The following MFSD6 variants were observed in gnomAD, a reference collection of about 807,000 sequenced individuals.
MFSD6 encodes the protein major facilitator superfamily domain containing 6.
MFSD6 carries 26 observed loss-of-function variants against 56.3 expected under a neutral mutation model. The observed-to-expected ratio is 0.46, with a 90% CI of 0.34 to 0.64. The LOEUF (loss-of-function observed/expected upper bound fraction) is 0.64, where lower values mean the gene tolerates loss of function less well. Among genes scored for constraint, MFSD6 ranks in the 30% least tolerant of loss-of-function variants. The probability of loss-of-function intolerance (pLI) is 0.01; values close to 1 mark genes in which losing one functional copy is unlikely to be tolerated. For synonymous variants in MFSD6, 331 were observed against 366.9 expected (o/e 0.90, Z 1.12); for missense variants, 750 against 986.2 (o/e 0.76, Z 3.21).
intron 3 of MFSD6, among the ~76,000 whole-genome samples, chr2:190,452,679 G>A (rs776760300): frequency 8.5e-5 from 13 of 152,112 alleles, no homozygotes; most frequent in Non-Finnish European, 1.6e-4. Context: ...AATGACTAAT[G>A]CCTGGTATCA....
At position 190,465,072 on chromosome 2, in the gene MFSD6, C is replaced by A; in HGVS notation, c.1533-4686C>A. 1 of 245,494 alleles carries A rather than the reference C, an allele frequency of 4.1e-6. No individual in the cohort carries two copies. Among genetic ancestry groups the A allele is most frequent in the Non-Finnish European group, 6.5e-6 (1 of 153,034 alleles). 15.2% of individuals were successfully genotyped at this position (245,494 alleles called of 1,614,324 possible). ...AAATACCAGTTTTATTATAAGATAACCACAAATCAGCTTAAACTGCTAATA... is the reference window on the plus strand; with the variant it reads ...AAATACCAGTTTTATTATAAGATAAACACAAATCAGCTTAAACTGCTAATA... On this transcript the variant is annotated intron_variant, in intron 3 of 7. Transcript: ENST00000392328. This position sits in a 1 kb window ranked among gnomAD's most constrained non-coding sequence, Gnocchi z 4.6.
Position 190,497,596 on chromosome 2 carries a change from G to A in MFSD6, c.2049G>A (p.Val683=). 6.2e-7 allele frequency: 1 copy of A among 1,614,150 alleles called. No individual in the cohort carries two copies. The highest frequency in any genetic ancestry group is 8.5e-7 in the Non-Finnish European group (1 of 1,180,022). The change falls in exon 7 of 8, where the codon GTG becomes GTA. Residue 683 remains valine, a synonymous_variant. Coordinates refer to ENST00000392328, the MANE Select transcript of MFSD6 (RefSeq NM_017694.4). The surrounding 1 kb of genome is among the most constrained non-coding windows in gnomAD (Gnocchi z 5.2). The part of the protein sequence containing the change: ...KTKHQEEQED[V]NKPAWGVSSS... ...AGCACCAGGAAGAACAGGAAGATGT[G>A]AACAAACCAGCCTGGGGAGTCAGCT...
intron 2 of MFSD6, among the ~76,000 whole-genome samples, chr2:190,427,486 T>C (rs1376882603): frequency 6.6e-6 from 1 of 152,266 alleles, no homozygotes; most frequent in Non-Finnish European, 1.5e-5. Flanking sequence ...AGCAGGCACT[T>C]GTTAGGGCTT....
chr2:190,476,595 C>T (rs1688331313), intron 4 of MFSD6, among the ~76,000 whole-genome samples: 1 of 152,174 alleles, frequency 6.6e-6, no homozygotes, highest in Non-Finnish European at 1.5e-5. Flanking sequence ...AACACTTTTA[C>T]ACTGTTGGTG....
At position 190,426,121 on chromosome 2, in the gene MFSD6, C is replaced by T. The variant is rs1685778274; in HGVS notation, c.-53-9856C>T. ...TTTGCCAATTTGAGAAGTTTTTAGC[C>T]TTTACTTCTTTGACAACTTTTTCAC... On this transcript the variant is annotated intron_variant, in intron 2 of 7. Transcript: ENST00000392328. The surrounding 1 kb of genome is among the most constrained non-coding windows in gnomAD (Gnocchi z 4.7). 6.6e-6 allele frequency among the ~76,000 whole-genome samples: 1 copy of T among 152,126 alleles called. No homozygotes were observed. Among genetic ancestry groups the T allele is most frequent in the African/African-American group, 2.4e-5 (1 of 41,448 alleles).
chr2:190,483,068 A>T (rs1688789335), intron 4 of MFSD6, among the ~76,000 whole-genome samples: 2 of 147,378 alleles, frequency 1.4e-5, no homozygotes, highest in African/African-American at 2.5e-5. Context: ...ATTTTTTTGT[A>T]TTTTTAGTAG....
At position 190,499,908 on chromosome 2, in the gene MFSD6, T is replaced by G; in HGVS notation, c.2173-107T>G. ...ATTACTTGGTCCCTGAAATGGGCAC[T>G]TCCGGATGATCTCCCCATGTTTCCT... On this transcript the variant is annotated intron_variant, in intron 7 of 7. Coordinates refer to ENST00000392328, the MANE Select transcript of MFSD6 (RefSeq NM_017694.4). The surrounding 1 kb of genome is among the most constrained non-coding windows in gnomAD (Gnocchi z 6.0). 1 of 1,575,696 alleles carries G rather than the reference T, an allele frequency of 6.3e-7. No individual in the cohort carries two copies.
At chr2:190,411,789 CTG>C (rs1399043728) in intron 1 of MFSD6, 1 of 985,182 alleles carries the variant, frequency 1.0e-6, no homozygotes, top group Non-Finnish European at 1.2e-6. Flanking sequence ...CTAATAGTAA[CTG>C]TAGCATATTC....
At position 190,442,919 on chromosome 2, in the gene MFSD6, CT is replaced by C. The variant is rs1285399108; in HGVS notation, c.1532+5359del. ...CTTGTCGTCTAAGAAGAGAAATGGG[CT>C]GAGGAAAATCAATTATAATTGTCTC... is the stretch of plus-strand genomic sequence containing the variant. On this transcript the variant is annotated intron_variant, in intron 3 of 7. Coordinates refer to ENST00000392328, the MANE Select transcript of MFSD6 (RefSeq NM_017694.4). 3.9e-5 allele frequency: 6 copies of C among 152,182 alleles called. No individual in the cohort carries two copies. In the East Asian group the frequency reaches 9.7e-4, roughly 25 times the overall value. 9.4% of individuals were successfully genotyped at this position (152,182 alleles called of 1,614,324 possible).
Position 190,500,955 on chromosome 2 carries a change from C to T in MFSD6, c.*737C>T, listed in dbSNP as rs1045725381. On this transcript the variant is annotated 3_prime_UTR_variant, in exon 8 of 8. Transcript: ENST00000392328. The surrounding 1 kb of genome is among the most constrained non-coding windows in gnomAD (Gnocchi z 5.3). Reference sequence around the variant, plus strand: ...TGGGCTTTGAGAAAAAAAACAGAAACAAGCGATTATTTCAAATCAACCAAC... The same window carrying T: ...TGGGCTTTGAGAAAAAAAACAGAAATAAGCGATTATTTCAAATCAACCAAC... The T allele has an allele frequency of 6.6e-6, 1 of 152,032 alleles. No individual in the cohort carries two copies. 9.4% of individuals were successfully genotyped at this position (152,032 alleles called of 1,614,324 possible). A position where few individuals can be genotyped will look rare whatever the true frequency, so the allele number is the denominator to read the frequency against.
chr2:190,436,773 C>T lies in MFSD6; in HGVS notation c.744C>T (p.Thr248=). 6.2e-7 allele frequency: 1 copy of T among 1,614,174 alleles called. No individual in the cohort carries two copies. Among genetic ancestry groups the T allele is most frequent in the South Asian group, 1.1e-5 (1 of 91,072 alleles). Residue 248 remains threonine, a synonymous_variant, in exon 3 of 8, where the codon ACC becomes ACT. Coordinates refer to ENST00000392328, the MANE Select transcript of MFSD6 (RefSeq NM_017694.4). The surrounding 1 kb of genome is among the most constrained non-coding windows in gnomAD (Gnocchi z 5.3). ...TGACTTTGAACTCAAGCACAGCAAC[C>T]CCTGTCTCCCCAGGAAGCGTAACCA... ...MDLTLNSSTA[T]PVSPGSVTKE... is the part of the protein sequence containing the mutation.
At position 190,463,314 on chromosome 2, in the gene MFSD6, A is replaced by G. The variant is rs75961373; in HGVS notation, c.1533-6444A>G. The stretch of plus-strand genomic sequence containing the variant: ...CTCTCTTAAACTGACAATAGAGAAC[A>G]TCATCTTATTCAGGTCAATAGTGTG... On this transcript the variant is annotated intron_variant, in intron 3 of 7. Coordinates refer to ENST00000392328, the MANE Select transcript of MFSD6 (RefSeq NM_017694.4). This position sits in a 1 kb window ranked among gnomAD's most constrained non-coding sequence, Gnocchi z 4.4. 6.6e-3 allele frequency among the ~76,000 whole-genome samples: 1,008 copies of G among 152,352 alleles called. 5 individuals carry two copies. Among genetic ancestry groups the G allele is most frequent in the Middle Eastern group, 0.014 (4 of 294 alleles).
At chr2:190,421,149 G>T (rs1220149081) in intron 2 of MFSD6, among the ~76,000 whole-genome samples, 1 of 152,132 alleles carries the variant, frequency 6.6e-6, no homozygotes, top group Non-Finnish European at 1.5e-5. Flanking sequence ...TTTTGAATTA[G>T]CATATGGGCA....
In MFSD6 at chr2:190,412,380, T is replaced by C; in HGVS notation, c.-175-2912T>C. 1.0e-6 allele frequency: 1 copy of C among 984,838 alleles called. No homozygotes were observed. The highest frequency in any genetic ancestry group is 1.2e-6 in the Non-Finnish European group (1 of 829,360). 61.0% of individuals were successfully genotyped at this position (984,838 alleles called of 1,614,324 possible). A position where few individuals can be genotyped will look rare whatever the true frequency, so the allele number is the denominator to read the frequency against. On this transcript the variant is annotated intron_variant, in intron 1 of 7. Transcript: ENST00000392328. The surrounding 1 kb of genome is among the most constrained non-coding windows in gnomAD (Gnocchi z 4.1). The stretch of plus-strand genomic sequence containing the variant: ...AACATTTCATTTTGGGTTCTAATTA[T>C]GTTTTAGGCAGAAGGAAATCTCCAT...
rs1687417596 is a variant in MFSD6, at chr2:190,463,169, A to G, written c.1533-6589A>G. The stretch of plus-strand genomic sequence containing the variant: ...TCCACAGTAGCATATCATGGAAGAT[A>G]GCTGGGAGGAGGGGGACAGTTATGA... On this transcript the variant is annotated intron_variant, in intron 3 of 7. Coordinates refer to ENST00000392328, the MANE Select transcript of MFSD6 (RefSeq NM_017694.4). The surrounding 1 kb of genome is among the most constrained non-coding windows in gnomAD (Gnocchi z 4.4). 6.6e-6 allele frequency among the ~76,000 whole-genome samples: 1 copy of G among 152,238 alleles called. No individual in the cohort carries two copies. Among genetic ancestry groups the G allele is most frequent in the Non-Finnish European group, 1.5e-5 (1 of 68,032 alleles).
At position 190,488,865 on chromosome 2, in the gene MFSD6, G is replaced by T; in HGVS notation, c.1792+47G>T. On this transcript the variant is annotated intron_variant, in intron 5 of 7. Coordinates refer to ENST00000392328, the MANE Select transcript of MFSD6 (RefSeq NM_017694.4). This position sits in a 1 kb window ranked among gnomAD's most constrained non-coding sequence, Gnocchi z 6.4. ...TTTTTCTTTTCTATTATTAAAACAT[G>T]ATTTTTTCCAGCAATACCTCAATAA... 2 of 1,473,234 alleles carry T rather than the reference G, an allele frequency of 1.4e-6. No individual in the cohort carries two copies. The highest frequency in any genetic ancestry group is 1.8e-6 in the Non-Finnish European group (2 of 1,105,742). 91.3% of individuals were successfully genotyped at this position (1,473,234 alleles called of 1,614,324 possible).
In MFSD6 at chr2:190,489,801, C is replaced by T. The variant is rs1451787768; in HGVS notation, c.1826C>T (p.Ala609Val). The T allele has an allele frequency of 1.2e-6, 2 of 1,614,166 alleles. No individual in the cohort carries two copies. Among genetic ancestry groups the T allele is most frequent in the South Asian group, 1.1e-5 (1 of 91,078 alleles). ...GCAACCTTCCGAGGAATTGGCATGG[C>T]CTGCTTGGTGATCCTACTGCTCTTT... The part of the protein sequence containing the change: ...AAATFRGIGM[A>V]CLVILLLFAL... The change falls in exon 6 of 8, where the codon GCC becomes GTC. Residue 609 changes from alanine to valine, a missense_variant. Ala to Val is a moderately conservative substitution (Grantham distance 64). Coordinates refer to ENST00000392328, the MANE Select transcript of MFSD6 (RefSeq NM_017694.4). The surrounding 1 kb of genome is among the most constrained non-coding windows in gnomAD (Gnocchi z 6.6).
intron 2 of MFSD6, among the ~76,000 whole-genome samples, chr2:190,429,594 T>G (rs1292823406): frequency 6.6e-6 from 1 of 152,158 alleles, no homozygotes; most frequent in African/African-American, 2.4e-5. Context: ...GGATTACAGG[T>G]ATGAGCTACT....
At position 190,469,275 on chromosome 2, in the gene MFSD6, A is replaced by G. The variant is rs895958744; in HGVS notation, c.1533-483A>G. On this transcript the variant is annotated intron_variant, in intron 3 of 7. Coordinates refer to ENST00000392328, the MANE Select transcript of MFSD6 (RefSeq NM_017694.4). This position sits in a 1 kb window ranked among gnomAD's most constrained non-coding sequence, Gnocchi z 5.3. ...GAGTCTCCTTGTGAAACTGCTTGGT[A>G]TCTTGGGTATTATGAGCAAGGCCAC... Among the ~76,000 whole-genome samples the G allele has an allele frequency of 2.0e-5, 3 of 152,144 alleles. No homozygotes were observed. The highest frequency in any genetic ancestry group is 7.2e-5 in the African/African-American group (3 of 41,424).
Sources: gnomAD v4.1 joint callset for allele counts (sites outside exome capture counted in the v4.1 genomes callset) on GRCh38, gnomAD v4.1.1 for gene constraint, Gnocchi (gnomAD v3.1) non-coding constraint, MANE v1.5 for transcripts, NCBI Gene and HGNC (gene_info 2026-07-23, HGNC 2026-07-21) for gene names.